CHRNA5: variants seen among roughly 807,000 people sequenced by gnomAD.
CHRNA5 encodes neuronal acetylcholine receptor subunit alpha-5.
Under a neutral mutation model 41.2 loss-of-function variants are expected in CHRNA5, and 28 were observed. The observed-to-expected ratio is 0.68, with a 90% CI of 0.50 to 0.93. CHRNA5 has a LOEUF of 0.93. Among genes scored for constraint, CHRNA5 ranks in the 40% least tolerant of loss-of-function variants. The pLI, the probability that CHRNA5 is intolerant of heterozygous loss-of-function variation, is 0.00. For synonymous variants in CHRNA5, 188 were observed against 205.8 expected (o/e 0.91, Z 0.74); for missense variants, 481 against 581.9 (o/e 0.83, Z 1.78).
At chr15:78,580,279 CAAAAA>C (rs71148541) in intron 1 of CHRNA5, among the ~76,000 whole-genome samples, 1 of 61,978 alleles carries the variant, frequency 1.6e-5, no homozygotes, top group East Asian at 4.9e-4. Flanking sequence ...GACTCCGTCT[CAAAAA>C]AAAAAAAAAA....
rs79568103 is a variant in CHRNA5 at position 78,583,220 on chromosome 15, A to G, written c.258+2258A>G. On this transcript the variant is annotated intron_variant, in intron 2 of 5. Coordinates refer to ENST00000299565, the Ensembl canonical transcript of CHRNA5. The stretch of plus-strand genomic sequence containing the variant: ...AGGCAACAGACACGATCAAAGCAGT[A>G]CTTTCAGAAGATCAGTAAAACAGTA... Among the ~76,000 whole-genome samples, 573 of 152,330 alleles carry G rather than the reference A, an allele frequency of 3.8e-3. 19 individuals are homozygous for G. In the East Asian group the frequency reaches 0.067, roughly 18 times the overall value.
chr15:78,574,422 A>C (rs996907308), intron 1 of CHRNA5, among the ~76,000 whole-genome samples: 7 of 151,276 alleles, frequency 4.6e-5, no homozygotes, highest in African/African-American at 1.7e-4. Flanking sequence ...TTTTGGCTAC[A>C]TACTATATTT....
chr15:78,570,301 T>C (rs2052790010), intron 1 of CHRNA5, among the ~76,000 whole-genome samples: 1 of 150,832 alleles, frequency 6.6e-6, no homozygotes, highest in Non-Finnish European at 1.5e-5. Flanking sequence ...CTCTGTCACC[T>C]AGGCTGGAGT....
intron 1 of CHRNA5, among the ~76,000 whole-genome samples, chr15:78,571,801 C>T (rs531116169): frequency 1.1e-4 from 16 of 151,594 alleles, no homozygotes; most frequent in Admixed American, 2.0e-4. Context: ...AATCCTGGAG[C>T]GAAAAAAATC....
At chr15:78,565,564 G>C (rs1038959732) in exon 1 of CHRNA5, 25 of 218,834 alleles carry the variant, frequency 1.1e-4, no homozygotes, top group African/African-American at 5.6e-4. Context: ...TGAGGCTGCT[G>C]TCCCGGCGGG....
rs539603792 is a variant in CHRNA5 at position 78,585,878 on chromosome 15, G to A, written c.259-767G>A. On this transcript the variant is annotated intron_variant, in intron 2 of 5. Coordinates refer to ENST00000299565, the Ensembl canonical transcript of CHRNA5. The stretch of plus-strand genomic sequence containing the variant: ...TGGCTCACTGCAACCTCTGCCTCCC[G>A]GGTTCAAGCAATTCTTGTGCCTCCG... Among the ~76,000 whole-genome samples, 9 of 148,638 alleles carry A rather than the reference G, an allele frequency of 6.1e-5. No homozygotes were observed. In the South Asian group the frequency reaches 1.5e-3, roughly 25 times the overall value.
chr15:78,579,529 C>T (rs954213517), intron 1 of CHRNA5, among the ~76,000 whole-genome samples: 3 of 152,196 alleles, frequency 2.0e-5, no homozygotes, highest in African/African-American at 7.2e-5. Context: ...GCTGGGATTA[C>T]AGACGTGAGC....
At chr15:78,590,686 G>T in intron 5 of CHRNA5, 50 bp downstream of exon 5, 1 of 1,490,116 alleles carries the variant, frequency 6.7e-7, no homozygotes, top group Non-Finnish European at 9.1e-7. Context: ...TTTAAGTTCA[G>T]AAGTTACTTT....
chr15:78,579,949 C>T (rs2052895500), intron 1 of CHRNA5, among the ~76,000 whole-genome samples: 1 of 152,098 alleles, frequency 6.6e-6, no homozygotes, highest in South Asian at 2.1e-4. Flanking sequence ...TATGTCAAAG[C>T]TAAATCAATC....
exon 6 of CHRNA5, chr15:78,595,227 A>G: frequency 1.1e-6 from 1 of 928,084 alleles, no homozygotes; most frequent in Non-Finnish European, 1.3e-6. Context: ...TTATACTACC[A>G]TTACTGTTAC....
At chr15:78,569,075 C>A (rs1335970042) in intron 1 of CHRNA5, among the ~76,000 whole-genome samples, 1 of 152,080 alleles carries the variant, frequency 6.6e-6, no homozygotes, top group East Asian at 1.9e-4. Context: ...ATTTAATTTG[C>A]AATTTAAAAT....
chr15:78,573,865 A>T lies in CHRNA5; in HGVS notation c.107-6946A>T, dbSNP rs539087753. Among the ~76,000 whole-genome samples the T allele has an allele frequency of 8.7e-5, 13 of 149,802 alleles. No individual in the cohort carries two copies. The East Asian group carries it at 2.6e-3, about 30-fold the overall frequency. ...GAGTGCAGTGGCACAATCTCGGCTC[A>T]CTGCAACCTCCACCTCCCAGGTTCA... is the stretch of plus-strand genomic sequence containing the variant. On this transcript the variant is annotated intron_variant, in intron 1 of 5. Coordinates refer to ENST00000299565, the Ensembl canonical transcript of CHRNA5.
intron 1 of CHRNA5, among the ~76,000 whole-genome samples, chr15:78,578,122 A>G (rs113052671): frequency 0.032 from 4,829 of 152,288 alleles, 266 homozygotes; most frequent in African/African-American, 0.11. Flanking sequence ...ATTAATCTAA[A>G]TATCTTCAAT....
intron 1 of CHRNA5, among the ~76,000 whole-genome samples, chr15:78,577,205 C>T (rs1046125738): frequency 2.6e-5 from 4 of 152,230 alleles, no homozygotes; most frequent in African/African-American, 4.8e-5. Context: ...CAGAGCCCTG[C>T]GGTTTATGAA....
intron 1 of CHRNA5, among the ~76,000 whole-genome samples, chr15:78,575,814 A>T (rs189008630): frequency 1.3e-5 from 2 of 152,144 alleles, no homozygotes; most frequent in Non-Finnish European, 2.9e-5. Flanking sequence ...TAACTTATCT[A>T]TCTTTTTGGT....
intron 3 of CHRNA5, among the ~76,000 whole-genome samples, chr15:78,587,292 C>T (rs1443929641): frequency 6.6e-6 from 1 of 152,082 alleles, no homozygotes; most frequent in African/African-American, 2.4e-5. Flanking sequence ...GGGAAAAACA[C>T]ACTGGAAAAG....
At chr15:78,576,491 GTAA>G (rs1435928917) in intron 1 of CHRNA5, among the ~76,000 whole-genome samples, 2 of 152,170 alleles carry the variant, frequency 1.3e-5, no homozygotes, top group Non-Finnish European at 2.9e-5. Flanking sequence ...AAATTAAAAT[GTAA>G]TAATGTAATA....
chr15:78,568,117 A>G (rs1214064526), intron 1 of CHRNA5, among the ~76,000 whole-genome samples: 1 of 152,116 alleles, frequency 6.6e-6, no homozygotes, highest in African/African-American at 2.4e-5. Context: ...TTGTTTTCAT[A>G]TTCGTCTTAG....
At chr15:78,585,786 T>C (rs1596062375) in intron 2 of CHRNA5, among the ~76,000 whole-genome samples, 1 of 94,730 alleles carries the variant, frequency 1.1e-5, no homozygotes, top group African/African-American at 4.3e-5. Flanking sequence ...TCTTTTCTTT[T>C]CTTTCTTTTT....
Sources: allele counts gnomAD v4.1 joint callset (sites outside exome capture counted in the v4.1 genomes callset), GRCh38; gene constraint gnomAD v4.1.1; transcripts MANE v1.5; gene names NCBI Gene and HGNC (gene_info 2026-07-23, HGNC 2026-07-21).